CSMD1: variants seen among roughly 807,000 people sequenced by gnomAD.
The protein encoded by CSMD1 is CUB and sushi domain-containing protein 1.
CSMD1 carries 213 observed loss-of-function variants against 417.5 expected under a neutral mutation model. The ratio of observed to expected loss-of-function variants is 0.51; its 90% confidence interval spans 0.46 to 0.57. The LOEUF (loss-of-function observed/expected upper bound fraction) is 0.57, where lower values mean the gene tolerates loss of function less well. CSMD1 is among the 20% of genes least tolerant of loss of function. The pLI is 0.00. For synonymous variants in CSMD1, 2,862 were observed against 1,736.8 expected, an observed-to-expected ratio of 1.65 and a Z score of -16.11; for missense variants, 6,923 against 4,529.7, an observed-to-expected ratio of 1.53 and a Z score of -15.17.
intron 3 of CSMD1, among the ~76,000 whole-genome samples, chr8:4,406,567 G>A (rs888855099): frequency 6.6e-6 from 1 of 152,052 alleles, no homozygotes; most frequent in Non-Finnish European, 1.5e-5. Context: ...CCTTCTGTAG[G>A]CATATGAGCT....
chr8:4,294,874 T>C (rs1332004631), intron 3 of CSMD1, among the ~76,000 whole-genome samples: 1 of 151,878 alleles, frequency 6.6e-6, no homozygotes, highest in Non-Finnish European at 1.5e-5. Flanking sequence ...GTCTTTGCCC[T>C]TTTAGTAGCT....
chr8:4,600,859 T>C (rs1800542324), intron 2 of CSMD1, among the ~76,000 whole-genome samples: 1 of 152,204 alleles, frequency 6.6e-6, no homozygotes, highest in South Asian at 2.1e-4. Flanking sequence ...CTTTAAAAGG[T>C]TTGCTTATCG....
chr8:4,159,688 A>C (rs548683780), intron 3 of CSMD1, among the ~76,000 whole-genome samples: 1 of 152,142 alleles, frequency 6.6e-6, no homozygotes, highest in Non-Finnish European at 1.5e-5. Context: ...TCCCGGGTTC[A>C]CGCCATTCTC....
intron 21 of CSMD1, among the ~76,000 whole-genome samples, chr8:3,354,333 G>A (rs1219729069): frequency 6.6e-6 from 1 of 152,088 alleles, no homozygotes; most frequent in Non-Finnish European, 1.5e-5. Flanking sequence ...TTATTAAAAT[G>A]TAGAAATTGT....
rs551007507 is a variant in CSMD1, at chr8:4,154,325, G to A, written c.416-122226C>T. ...TCTCAGCTTCCTATTTAAGTTGAAAGGATGTAGTCCAGGAGTATTCAGTCA... is the reference window on the plus strand; with the variant it reads ...TCTCAGCTTCCTATTTAAGTTGAAAAGATGTAGTCCAGGAGTATTCAGTCA... On this transcript the variant is annotated intron_variant, in intron 3 of 69. Coordinates refer to ENST00000635120, the MANE Select transcript of CSMD1 (RefSeq NM_033225.6). Among the ~76,000 whole-genome samples, 39 of 152,304 alleles carry A rather than the reference G, an allele frequency of 2.6e-4. No homozygotes were observed. The South Asian group carries it at 8.1e-3, about 32-fold the overall frequency.
At chr8:4,313,758 G>C (rs574937660) in intron 3 of CSMD1, among the ~76,000 whole-genome samples, 7 of 152,196 alleles carry the variant, frequency 4.6e-5, no homozygotes, top group African/African-American at 1.4e-4. Flanking sequence ...GCTCACACCT[G>C]TAATTCCAGC....
At chr8:4,450,607 G>C (rs1799083754) in intron 2 of CSMD1, among the ~76,000 whole-genome samples, 1 of 152,108 alleles carries the variant, frequency 6.6e-6, no homozygotes, top group African/African-American at 2.4e-5. Context: ...CTCCAGCCTG[G>C]TAACAGAGTG....
chr8:3,829,902 A>G (rs1160790803), intron 5 of CSMD1, among the ~76,000 whole-genome samples: 1 of 152,296 alleles, frequency 6.6e-6, no homozygotes, highest in East Asian at 1.9e-4. Context: ...ACATAGATCT[A>G]TTGGGAAAAT....
chr8:4,854,390 G>C (rs2164899), intron 1 of CSMD1, among the ~76,000 whole-genome samples: 1 of 151,958 alleles, frequency 6.6e-6, no homozygotes, highest in African/African-American at 2.4e-5. Context: ...GTTTAGAAGC[G>C]TGTGCCACTC....
rs369380784 is a variant in CSMD1 at position 4,210,329 on chromosome 8, C to T, written c.416-178230G>A. Reference sequence around the variant, plus strand: ...ATTCCATGTCAAGTGTGGGATTGTGCTGTGTCAAGTAAGTTGTATGATACC... The same window carrying T: ...ATTCCATGTCAAGTGTGGGATTGTGTTGTGTCAAGTAAGTTGTATGATACC... On this transcript the variant is annotated intron_variant, in intron 3 of 69. Coordinates refer to ENST00000635120, the MANE Select transcript of CSMD1 (RefSeq NM_033225.6). Among the ~76,000 whole-genome samples the T allele has an allele frequency of 1.0e-3, 155 of 152,308 alleles. No homozygotes were observed. In the Middle Eastern group the frequency reaches 0.017, roughly 17 times the overall value.
chr8:4,575,009 A>T (rs983371541), intron 2 of CSMD1, among the ~76,000 whole-genome samples: 6 of 152,204 alleles, frequency 3.9e-5, no homozygotes, highest in African/African-American at 1.4e-4. Context: ...TTCCTCAGTA[A>T]ATAAAAGGAG....
At chr8:4,644,637 G>A (rs1486685363) in intron 1 of CSMD1, among the ~76,000 whole-genome samples, 2 of 152,200 alleles carry the variant, frequency 1.3e-5, no homozygotes, top group African/African-American at 2.4e-5. Context: ...AGGAACCTCT[G>A]ACCTCAGGTG....
At chr8:4,430,816 C>A (rs754763145) in intron 2 of CSMD1, among the ~76,000 whole-genome samples, 7 of 152,246 alleles carry the variant, frequency 4.6e-5, no homozygotes, top group African/African-American at 1.7e-4. Flanking sequence ...TTTTTCCTGT[C>A]AATTGTCACT....
intron 51 of CSMD1, among the ~76,000 whole-genome samples, chr8:3,025,410 G>A (rs1485910121): frequency 6.6e-6 from 1 of 151,826 alleles, no homozygotes; most frequent in Non-Finnish European, 1.5e-5. Context: ...CTGAAACCGT[G>A]TATTGTGTGG....
At chr8:4,344,931 C>T (rs6987720) in intron 3 of CSMD1, among the ~76,000 whole-genome samples, 2,544 of 152,232 alleles carry the variant, frequency 0.017, 62 homozygotes, top group African/African-American at 0.059. Flanking sequence ...TTGTGGTCAG[C>T]TGGTCTCTGT....
chr8:3,584,201 G>T (rs1252808362), intron 9 of CSMD1, among the ~76,000 whole-genome samples: 1 of 152,116 alleles, frequency 6.6e-6, no homozygotes, highest in African/African-American at 2.4e-5. Context: ...TCTAACTTAA[G>T]CAGAACGAGG....
chr8:4,012,307 C>G (rs992722421), intron 4 of CSMD1, among the ~76,000 whole-genome samples: 3 of 152,156 alleles, frequency 2.0e-5, no homozygotes, highest in Non-Finnish European at 2.9e-5. Context: ...ATTTCATCTT[C>G]CAATCCTTGG....
At chr8:3,641,964 G>A (rs1278209866) in intron 7 of CSMD1, among the ~76,000 whole-genome samples, 1 of 152,108 alleles carries the variant, frequency 6.6e-6, no homozygotes, top group Non-Finnish European at 1.5e-5. Flanking sequence ...TGACACAGAT[G>A]GGGAGAGAGC....
chr8:4,080,372 G>C (rs980289405), intron 3 of CSMD1, among the ~76,000 whole-genome samples: 6 of 152,134 alleles, frequency 3.9e-5, no homozygotes, highest in African/African-American at 9.7e-5. Flanking sequence ...ACACAAACAG[G>C]TATCAGAATT....
Sources: gnomAD v4.1 joint callset for allele counts (sites outside exome capture counted in the v4.1 genomes callset) on GRCh38, gnomAD v4.1.1 for gene constraint, MANE v1.5 for transcripts, NCBI Gene and HGNC (gene_info 2026-07-23, HGNC 2026-07-21) for gene names.